The following LORICRIN variants were observed in gnomAD, a reference collection of about 807,000 sequenced individuals.
LORICRIN encodes the protein loricrin cornified envelope precursor protein.
A neutral mutation model predicts 3.3 loss-of-function variants in LORICRIN; 5 were observed. The observed-to-expected ratio is 1.52, with a 90% CI of 0.79 to 3.19. LORICRIN has a LOEUF of 3.19. Ranked by LOEUF, LORICRIN falls within the 30% of genes most tolerant of loss-of-function variation. LORICRIN has a pLI of 0.00. For synonymous variants in LORICRIN, 237 were observed against 231.4 expected (o/e 1.02, Z -0.22); for missense variants, 524 against 460.2 (o/e 1.14, Z -1.27).
Position 153,261,760 on chromosome 1 carries a change from G to A in LORICRIN, c.811G>A (p.Val271Ile). ...CTGCATCATCAGTGGCGGGGGCTCC[G>A]TCTGCGGAGGTGGTTCCTCTGGAGG... ...SGCIISGGGS[V>I]CGGGSSGGGG... is the part of the protein sequence containing the mutation. Residue 271 changes from valine (V) to isoleucine (I), a missense_variant, in exon 2 of 2, where the codon GTC becomes ATC. Coordinates refer to ENST00000368742, the MANE Select transcript of LORICRIN (RefSeq NM_000427.3). The A allele has an allele frequency of 1.3e-6, 2 of 1,580,500 alleles. No individual in the cohort carries two copies. Among genetic ancestry groups the A allele is most frequent in the South Asian group, 1.1e-5 (1 of 87,500 alleles).
In LORICRIN at chr1:153,261,141, CGGCGGGGGCTCCTCCGGCGGCGGG is replaced by C. The variant is rs1297116551; in HGVS notation, c.202_225del (p.Ser68_Gly75del). On this transcript the variant is annotated inframe_deletion, in exon 2 of 2. Coordinates refer to ENST00000368742, the MANE Select transcript of LORICRIN (RefSeq NM_000427.3). ...GCGGTGGCTACTCTGGCGGCGGCTG[CGGCGGGGGCTCCTCCGGCGGCGGG>C]GGCGGGGGCGGCATTGGAGGCTGCG... 7.4e-7 allele frequency: 1 copy of C among 1,344,650 alleles called. No individual in the cohort carries two copies. The highest frequency in any genetic ancestry group is 9.4e-7 in the Non-Finnish European group (1 of 1,058,410). The allele number at this position is 1,344,650 out of a possible 1,614,324, so 83.3% of individuals were successfully genotyped here.
At position 153,261,447 on chromosome 1, in the gene LORICRIN, CGGCGGCTCCTCCGGG is replaced by C; in HGVS notation, c.508_522del (p.Ser170_Ser174del). 1.3e-6 allele frequency: 2 copies of C among 1,500,418 alleles called. No homozygotes were observed. The highest frequency in any genetic ancestry group is 2.7e-5 in the East Asian group (1 of 37,216). 92.9% of individuals were successfully genotyped at this position (1,500,418 alleles called of 1,614,324 possible). A position where few individuals can be genotyped will look rare whatever the true frequency, so the allele number is the denominator to read the frequency against. The stretch of plus-strand genomic sequence containing the variant: ...GCCAGAGCTACGGAGGCGTCTCTAG[CGGCGGCTCCTCCGGG>C]GGCGGCTCCGGCTGCTTCTCCAGCG... On this transcript the variant is annotated inframe_deletion, in exon 2 of 2. Coordinates refer to ENST00000368742, the MANE Select transcript of LORICRIN (RefSeq NM_000427.3).
rs890610540 is a variant in LORICRIN at position 153,261,642 on chromosome 1, C to T, written c.693C>T (p.Gly231=). 10 of 1,515,708 alleles carry T rather than the reference C, an allele frequency of 6.6e-6. No individual in the cohort carries two copies. The African/African-American group carries it at 1.4e-4, about 22-fold the overall frequency. 93.9% of individuals were successfully genotyped at this position (1,515,708 alleles called of 1,614,324 possible). Residue 231 remains glycine (G), a synonymous_variant, in exon 2 of 2, where the codon GGC becomes GGT. Coordinates refer to ENST00000368742, the MANE Select transcript of LORICRIN (RefSeq NM_000427.3). The part of the protein sequence containing the change: ...PQPSYGGGSS[G]GGGSGGSGCF... ...CGAGTTACGGAGGGGGGTCGTCCGG[C>T]GGCGGCGGCAGCGGCGGAAGCGGCT...
Position 153,261,052 on chromosome 1 carries a change from G to C in LORICRIN, c.103G>C (p.Gly35Arg). The change falls in exon 2 of 2, where the codon GGC (glycine) becomes CGC (arginine). Residue 35 changes from glycine to arginine, a missense_variant. Gly to Arg is a moderately radical substitution (Grantham distance 125). Coordinates refer to ENST00000368742, the MANE Select transcript of LORICRIN (RefSeq NM_000427.3). Reference sequence around the variant, plus strand: ...CGGCGGCAGCGGCGGTGGTGGCTGCGGCTTCTTCGGCGGCGGCGGCTCAGG... The same window carrying C: ...CGGCGGCAGCGGCGGTGGTGGCTGCCGCTTCTTCGGCGGCGGCGGCTCAGG... ...GGGGSGGGGC[G>R]FFGGGGSGGG... is the part of the protein sequence containing the mutation. 6.5e-7 allele frequency: 1 copy of C among 1,536,730 alleles called. No homozygotes were observed. The highest frequency in any genetic ancestry group is 1.2e-5 in the South Asian group (1 of 84,684).
At chr1:153,260,382 G>A (rs751894940) in intron 1 of LORICRIN, among the ~76,000 whole-genome samples, 2 of 152,128 alleles carry the variant, frequency 1.3e-5, no homozygotes, top group Non-Finnish European at 2.9e-5. Flanking sequence ...ACTAGCCCTT[G>A]GTTCATGGCC....
At chr1:153,260,272 A>T (rs1465721905) in intron 1 of LORICRIN, among the ~76,000 whole-genome samples, 5 of 152,216 alleles carry the variant, frequency 3.3e-5, no homozygotes, top group Non-Finnish European at 7.3e-5. Context: ...CATGGAAGAG[A>T]TGGCTAATAG....
chr1:153,260,108 G>C (rs1346126436), intron 1 of LORICRIN, among the ~76,000 whole-genome samples: 1 of 152,196 alleles, frequency 6.6e-6, no homozygotes, highest in Non-Finnish European at 1.5e-5. Context: ...ACTCTCAAGA[G>C]AGTAGGGAGA....
intron 1 of LORICRIN, among the ~76,000 whole-genome samples, chr1:153,260,404 G>C (rs781222636): frequency 2.6e-5 from 4 of 152,174 alleles, no homozygotes; most frequent in Non-Finnish European, 5.9e-5. Context: ...AGCTCAGTGG[G>C]ACAGACCAAG....
At position 153,261,016 on chromosome 1, in the gene LORICRIN, GGTGGCGGTGGCGGCGGCA is replaced by G; in HGVS notation, c.69_86del (p.Gly28_Gly33del). The G allele has an allele frequency of 6.4e-7, 1 of 1,568,396 alleles. No homozygotes were observed. Among genetic ancestry groups the G allele is most frequent in the Non-Finnish European group, 8.7e-7 (1 of 1,154,520 alleles). ...GGACTGCGTGAAGACCTCTGGCGGC[GGTGGCGGTGGCGGCGGCA>G]GCGGCGGTGGTGGCTGCGGCTTCTT... On this transcript the variant is annotated inframe_deletion, in exon 2 of 2. Transcript: ENST00000368742.
At chr1:153,259,832 T>C (rs1658720869) in intron 1 of LORICRIN, 99 bp downstream of exon 1, 1 of 152,294 alleles carries the variant, frequency 6.6e-6, no homozygotes, top group South Asian at 2.1e-4. Flanking sequence ...TTGGGAGCTA[T>C]AGGACCTCTG....
chr1:153,261,112 G>A lies in LORICRIN; in HGVS notation c.163G>A (p.Gly55Ser), dbSNP rs746390232. The A allele has an allele frequency of 7.2e-7, 1 of 1,393,588 alleles. No homozygotes were observed. Among genetic ancestry groups the A allele is most frequent in the Non-Finnish European group, 9.3e-7 (1 of 1,077,290 alleles). 86.3% of individuals were successfully genotyped at this position (1,393,588 alleles called of 1,614,324 possible). A position where few individuals can be genotyped will look rare whatever the true frequency, so the allele number is the denominator to read the frequency against. Residue 55 changes from glycine to serine, a missense_variant, in exon 2 of 2, where the codon GGC (glycine) becomes AGC (serine). Transcript: ENST00000368742. The stretch of plus-strand genomic sequence containing the variant: ...CAGCGGTTCTGGCTGCGGCTACTCC[G>A]GCGGCGGTGGCTACTCTGGCGGCGG... ...GSSGSGCGYS[G>S]GGGYSGGGCG...
chr1:153,261,574 G>C lies in LORICRIN; in HGVS notation c.625G>C (p.Val209Leu). The change falls in exon 2 of 2, where the codon GTC (valine) becomes CTC (leucine). Residue 209 changes from valine (V) to leucine (L), a missense_variant. Transcript: ENST00000368742. ...GSSGGSGSGYVSSQQVTQTSC... is the reference protein window; with the variant it reads ...GSSGGSGSGYLSSQQVTQTSC... ...CTCTGGCGGCAGCGGCTCCGGCTAC[G>C]TCTCCTCGCAGCAGGTCACTCAGAC... 9.2e-6 allele frequency: 14 copies of C among 1,517,864 alleles called. No homozygotes were observed. The highest frequency in any genetic ancestry group is 1.2e-5 in the Non-Finnish European group (14 of 1,139,622). 94.0% of individuals were successfully genotyped at this position (1,517,864 alleles called of 1,614,324 possible). A position where few individuals can be genotyped will look rare whatever the true frequency, so the allele number is the denominator to read the frequency against.
Position 153,261,643 on chromosome 1 carries a change from GGCGGCGGCA to G in LORICRIN, c.702_710del (p.Gly237_Gly239del), listed in dbSNP as rs1367917570. 6.6e-7 allele frequency: 1 copy of G among 1,515,726 alleles called. No homozygotes were observed. Among genetic ancestry groups the G allele is most frequent in the Non-Finnish European group, 8.8e-7 (1 of 1,140,038 alleles). 93.9% of individuals were successfully genotyped at this position (1,515,726 alleles called of 1,614,324 possible). On this transcript the variant is annotated inframe_deletion, in exon 2 of 2. Transcript: ENST00000368742. ...GAGTTACGGAGGGGGGTCGTCCGGC[GGCGGCGGCA>G]GCGGCGGAAGCGGCTGCTTCTCCAG...
rs756174436 is a variant in LORICRIN, at chr1:153,261,008, C to G, written c.59C>G (p.Ser20Cys). Residue 20 changes from serine (S) to cysteine (C), a missense_variant, in exon 2 of 2, where the codon TCT becomes TGT. Coordinates refer to ENST00000368742, the MANE Select transcript of LORICRIN (RefSeq NM_000427.3). Reference protein sequence around the residue: ...PQPPVDCVKTSGGGGGGGGSG... With the variant: ...PQPPVDCVKTCGGGGGGGGSG... ...CCCCCAGTGGACTGCGTGAAGACCT[C>G]TGGCGGCGGTGGCGGTGGCGGCGGC... The G allele has an allele frequency of 4.0e-6, 6 of 1,517,600 alleles. No individual in the cohort carries two copies. The African/African-American group carries it at 7.9e-5, about 20-fold the overall frequency. 94.0% of individuals were successfully genotyped at this position (1,517,600 alleles called of 1,614,324 possible). A position where few individuals can be genotyped will look rare whatever the true frequency, so the allele number is the denominator to read the frequency against.
In LORICRIN at chr1:153,262,048, G is replaced by A; in HGVS notation, c.*160G>A. ...CTCTCCGGCTGCATCTAGTTCTGCT[G>A]TTTAGCCTCTTTGGTTTCTGTACAA... On this transcript the variant is annotated 3_prime_UTR_variant, in exon 2 of 2. Coordinates refer to ENST00000368742, the MANE Select transcript of LORICRIN (RefSeq NM_000427.3). 1.2e-6 allele frequency: 1 copy of A among 816,100 alleles called. No homozygotes were observed. Among genetic ancestry groups the A allele is most frequent in the Non-Finnish European group, 2.0e-6 (1 of 491,778 alleles). The allele number at this position is 816,100 out of a possible 1,614,324, so 50.6% of individuals were successfully genotyped here. A position where few individuals can be genotyped will look rare whatever the true frequency, so the allele number is the denominator to read the frequency against.
chr1:153,260,894 C>G, intron 1 of LORICRIN, 33 bp from the exon 2 acceptor site: 1 of 1,446,582 alleles, frequency 6.9e-7, no homozygotes, highest in Non-Finnish European at 9.5e-7. Flanking sequence ...CCTCTTGCAG[C>G]TGGTCCAGCG....
chr1:153,260,041 C>T (rs1212060431), intron 1 of LORICRIN, among the ~76,000 whole-genome samples: 1 of 152,164 alleles, frequency 6.6e-6, no homozygotes, highest in Non-Finnish European at 1.5e-5. Context: ...CTGTCCAAGG[C>T]AGCCTGTGCA....
chr1:153,261,453 C>T lies in LORICRIN; in HGVS notation c.504C>T (p.Gly168=). Reference sequence around the variant, plus strand: ...GCTACGGAGGCGTCTCTAGCGGCGGCTCCTCCGGGGGCGGCTCCGGCTGCT... The same window carrying T: ...GCTACGGAGGCGTCTCTAGCGGCGGTTCCTCCGGGGGCGGCTCCGGCTGCT... ...CQSYGGVSSG[G]SSGGGSGCFS... Residue 168 remains glycine (G), a synonymous_variant, in exon 2 of 2, where the codon GGC becomes GGT. Transcript: ENST00000368742. 2.7e-6 allele frequency: 4 copies of T among 1,508,518 alleles called. No homozygotes were observed. The highest frequency in any genetic ancestry group is 1.5e-5 in the African/African-American group (1 of 68,730). 93.4% of individuals were successfully genotyped at this position (1,508,518 alleles called of 1,614,324 possible).
chr1:153,261,560 G>C lies in LORICRIN; in HGVS notation c.611G>C (p.Ser204Thr), dbSNP rs1363965710. ...TGCGGCGGAGGCTCCTCTGGCGGCAGCGGCTCCGGCTACGTCTCCTCGCAG... is the reference window on the plus strand; with the variant it reads ...TGCGGCGGAGGCTCCTCTGGCGGCACCGGCTCCGGCTACGTCTCCTCGCAG... ...SGCGGGSSGG[S>T]GSGYVSSQQV... The change falls in exon 2 of 2, where the codon AGC becomes ACC. Residue 204 changes from serine to threonine, a missense_variant. By Grantham distance (58) the Ser-to-Thr change is moderately conservative. Coordinates refer to ENST00000368742, the MANE Select transcript of LORICRIN (RefSeq NM_000427.3). The C allele has an allele frequency of 1.3e-6, 2 of 1,510,778 alleles. 1 individual carries two copies. The highest frequency in any genetic ancestry group is 4.1e-5 in the Admixed American group (2 of 49,120). 93.6% of individuals were successfully genotyped at this position (1,510,778 alleles called of 1,614,324 possible). A position where few individuals can be genotyped will look rare whatever the true frequency, so the allele number is the denominator to read the frequency against.
Sources: gnomAD v4.1 joint callset for allele counts (sites outside exome capture counted in the v4.1 genomes callset) on GRCh38, gnomAD v4.1.1 for gene constraint, MANE v1.5 for transcripts, NCBI Gene and HGNC (gene_info 2026-07-23, HGNC 2026-07-21) for gene names.